The following DLC1 variants were observed in gnomAD, a reference collection of about 807,000 sequenced individuals.
DLC1 encodes rho GTPase-activating protein 7.
DLC1 carries 54 observed loss-of-function variants against 140.3 expected under a neutral mutation model. The ratio of observed to expected loss-of-function variants is 0.38; its 90% CI spans 0.31 to 0.48. The LOEUF (loss-of-function observed/expected upper bound fraction) is 0.48. Ranked by LOEUF, DLC1 falls within the 20% of genes least tolerant of loss-of-function variation. The pLI is 0.96. For missense variants in DLC1, 2,536 were observed against 1,907.0 expected (o/e 1.33, Z -6.14); for synonymous variants, 986 against 728.1 (o/e 1.35, Z -5.70).
chr8:13,447,465 T>C (rs1037101206), intron 2 of DLC1, among the ~76,000 whole-genome samples: 1 of 152,202 alleles, frequency 6.6e-6, no homozygotes, highest in Non-Finnish European at 1.5e-5. Flanking sequence ...TATTTTATTG[T>C]TATTAACCAG....
Position 13,295,938 on chromosome 8 carries a change from C to CTTTTTTTTTTTTTTTTTTTTTTTTTTTTT in DLC1, c.1348+9330_1348+9331insAAAAAAAAAAAAAAAAAAAAAAAAAAAAA, listed in dbSNP as rs34697767. 1.7e-4 allele frequency among the ~76,000 whole-genome samples: 9 copies of CTTTTTTTTTTTTTTTTTTTTTTTTTTTTT among 53,344 alleles called. 3 individuals carry two copies. Among genetic ancestry groups the CTTTTTTTTTTTTTTTTTTTTTTTTTTTTT allele is most frequent in the Non-Finnish European group, 1.8e-4 (5 of 27,138 alleles). 35.0% of individuals were successfully genotyped at this position (53,344 alleles called of 152,430 possible). On this transcript the variant is annotated intron_variant, in intron 5 of 17. Transcript: ENST00000276297. ...ATCTAAGAGATGATCAGATAAGATT[C>CTTTTTTTTTTTTTTTTTTTTTTTTTTTTT]TTTGTTTTTTTTTTTTTTTTTTTTT...
chr8:13,138,569 C>T (rs1822735576), intron 5 of DLC1, among the ~76,000 whole-genome samples: 3 of 152,168 alleles, frequency 2.0e-5, no homozygotes, highest in African/African-American at 4.8e-5. Flanking sequence ...TGCAAAATTA[C>T]AGGGGGGATA....
intron 1 of DLC1, among the ~76,000 whole-genome samples, chr8:13,532,442 G>T (rs1204718992): frequency 1.3e-5 from 2 of 152,218 alleles, no homozygotes; most frequent in Non-Finnish European, 2.9e-5. Flanking sequence ...TGTAAGCCTG[G>T]TAAGAATTCT....
chr8:13,566,723 C>A, intron 1 of DLC1: 1 of 465,690 alleles, frequency 2.1e-6, no homozygotes, highest in Non-Finnish European at 3.8e-6. Flanking sequence ...GTGCAGAAGA[C>A]AGGGCAAAAT....
chr8:13,523,698 TATGGAAAAAATTAGC>T (rs1345195484), intron 1 of DLC1, among the ~76,000 whole-genome samples: 3 of 152,040 alleles, frequency 2.0e-5, no homozygotes, highest in Non-Finnish European at 4.4e-5. Flanking sequence ...CAAAGAATGA[TATGGAAAAAATTAGC>T]ATGGTTTAGA....
At chr8:13,498,870 T>A in intron 2 of DLC1, 179 bp downstream of exon 2, 1 of 624,428 alleles carries the variant, frequency 1.6e-6, no homozygotes, top group Middle Eastern at 4.2e-4. Flanking sequence ...AGATTATTAT[T>A]CTTTAATTTT....
intron 1 of DLC1, among the ~76,000 whole-genome samples, chr8:13,590,108 C>A (rs1009531237): frequency 6.9e-6 from 1 of 144,364 alleles, no homozygotes; most frequent in African/African-American, 2.7e-5. Flanking sequence ...GTTTTATTTT[C>A]CCCTGAAGTT....
At chr8:13,164,958 T>G (rs1433946134) in intron 5 of DLC1, among the ~76,000 whole-genome samples, 1 of 152,196 alleles carries the variant, frequency 6.6e-6, no homozygotes, top group African/African-American at 2.4e-5. Flanking sequence ...GTGTGGGAGT[T>G]GAAGTACCTT....
chr8:13,086,548 G>A, intron 16 of DLC1, 85 bp from the exon 17 acceptor site: 2 of 1,502,878 alleles, frequency 1.3e-6, no homozygotes, highest in East Asian at 2.3e-5. Context: ...ACTATTTGCA[G>A]TGTGGTGACG....
At chr8:13,104,766 G>C (rs1348656425) in intron 7 of DLC1, among the ~76,000 whole-genome samples, 1 of 152,172 alleles carries the variant, frequency 6.6e-6, no homozygotes, top group Non-Finnish European at 1.5e-5. Context: ...ACCTTAGGTG[G>C]TAGCCTGTTT....
At chr8:13,548,012 G>A (rs182517716) in intron 1 of DLC1, among the ~76,000 whole-genome samples, 34 of 152,040 alleles carry the variant, frequency 2.2e-4, no homozygotes, top group Non-Finnish European at 3.4e-4. Context: ...TTTAAAAATA[G>A]CACTTAAAAT....
In DLC1 at chr8:13,600,730, T is replaced by C. The variant is rs1253192340; in HGVS notation, c.-126+3807A>G. Among the ~76,000 whole-genome samples, 4 of 151,906 alleles carry C rather than the reference T, an allele frequency of 2.6e-5. No homozygotes were observed. The East Asian group carries it at 7.7e-4, about 29-fold the overall frequency. On this transcript the variant is annotated intron_variant, in intron 1 of 1. Coordinates refer to the DLC1 transcript ENST00000631382. ...TTTTATTTAAAGTAAATCTTTTTTT[T>C]TAGCATTAAGCAATGGGATGTTCAT...
At chr8:13,188,308 C>A (rs1456557595) in intron 5 of DLC1, among the ~76,000 whole-genome samples, 2 of 147,388 alleles carry the variant, frequency 1.4e-5, no homozygotes, top group African/African-American at 5.0e-5. Context: ...TCTCAGCCAG[C>A]TTTTAAGATG....
intron 1 of DLC1, among the ~76,000 whole-genome samples, chr8:13,533,782 G>C (rs1803178942): frequency 6.6e-6 from 1 of 152,126 alleles, no homozygotes; most frequent in Non-Finnish European, 1.5e-5. Context: ...GAGGTGATTG[G>C]ATAGTGGGGT....
intron 1 of DLC1, chr8:13,557,720 G>A (rs962032417): frequency 6.6e-6 from 1 of 152,290 alleles, no homozygotes; most frequent in Non-Finnish European, 1.5e-5. Flanking sequence ...CCCCAGCCAG[G>A]TGGAACTGTG....
In DLC1 at chr8:13,586,382, A is replaced by G. The variant is rs117192983; in HGVS notation, c.-126+18155T>C. 6.6e-5 allele frequency among the ~76,000 whole-genome samples: 10 copies of G among 152,250 alleles called. No homozygotes were observed. The East Asian group carries it at 1.9e-3, about 29-fold the overall frequency. ...AAGACTTGATGACCGATTGAACAGT[A>G]GAGGGGAGTAGGGAAGAGTCAAAGA... On this transcript the variant is annotated intron_variant, in intron 1 of 1. Coordinates refer to the DLC1 transcript ENST00000631382.
intron 6 of DLC1, 57 bp downstream of exon 6, chr8:13,115,529 T>A (rs901601553): frequency 5.9e-5 from 87 of 1,476,278 alleles, no homozygotes; most frequent in Non-Finnish European, 7.4e-5. Context: ...TCAGTAATAC[T>A]CGCGAACAAG....
chr8:13,273,417 A>G (rs1284929162), intron 5 of DLC1, among the ~76,000 whole-genome samples: 1 of 152,156 alleles, frequency 6.6e-6, no homozygotes, highest in Non-Finnish European at 1.5e-5. Context: ...GTTGTAGAAG[A>G]TAGGATTAAC....
chr8:13,286,240 G>T (rs1430262780), intron 5 of DLC1, among the ~76,000 whole-genome samples: 2 of 152,120 alleles, frequency 1.3e-5, no homozygotes, highest in Non-Finnish European at 2.9e-5. Flanking sequence ...CTGAAAATTA[G>T]ATGTATGACT....
Sources: gnomAD v4.1 joint callset for allele counts (sites outside exome capture counted in the v4.1 genomes callset) on GRCh38, gnomAD v4.1.1 for gene constraint, MANE v1.5 for transcripts, NCBI Gene and HGNC (gene_info 2026-07-23, HGNC 2026-07-21) for gene names.